The following LRP1B variants were observed in gnomAD, a reference collection of about 807,000 sequenced individuals.
The protein encoded by LRP1B is LDL receptor related protein 1B, also known as low-density lipoprotein receptor-related protein 1B.
LRP1B carries 217 observed loss-of-function variants against 556.6 expected under a neutral mutation model. The ratio of observed to expected loss-of-function variants is 0.39; its 90% confidence interval spans 0.35 to 0.44. The LOEUF (loss-of-function observed/expected upper bound fraction) is 0.44, where lower values mean the gene tolerates loss of function less well. Among genes scored for constraint, LRP1B ranks in the 20% least tolerant of loss-of-function variants. The pLI is 1.00. For synonymous variants in LRP1B, 2,047 were observed against 1,865.8 expected (o/e 1.10, Z -2.50); for missense variants, 5,053 against 5,620.8 (o/e 0.90, Z 3.23).
At chr2:140,498,348 C>T (rs1377800915) in intron 55 of LRP1B, among the ~76,000 whole-genome samples, 2 of 151,790 alleles carry the variant, frequency 1.3e-5, no homozygotes. Flanking sequence ...AAATATTGAT[C>T]ATTTTATTTC....
intron 66 of LRP1B, among the ~76,000 whole-genome samples, chr2:140,403,422 A>G (rs1156584319): frequency 6.6e-6 from 1 of 152,174 alleles, no homozygotes; most frequent in Non-Finnish European, 1.5e-5. Context: ...AGATGTCATG[A>G]ATAATAACCA....
chr2:141,278,842 A>T (rs1289421012), intron 3 of LRP1B, among the ~76,000 whole-genome samples: 1 of 152,144 alleles, frequency 6.6e-6, no homozygotes. Context: ...CCTTAATTTT[A>T]CTTCTTGCCC....
At chr2:141,957,398 G>A (rs1281208455) in intron 1 of LRP1B, among the ~76,000 whole-genome samples, 24 of 87,088 alleles carry the variant, frequency 2.8e-4, no homozygotes, top group African/African-American at 9.3e-4. Context: ...GGGGGGGGGC[G>A]GGGGGGTGTA....
chr2:140,400,749 G>A (rs2105227671), intron 66 of LRP1B, among the ~76,000 whole-genome samples: 1 of 152,128 alleles, frequency 6.6e-6, no homozygotes, highest in African/African-American at 2.4e-5. Context: ...CCCTTTGAAA[G>A]AAGTGTCAGG....
intron 27 of LRP1B, among the ~76,000 whole-genome samples, chr2:140,852,543 G>C (rs905221543): frequency 1.3e-5 from 2 of 152,134 alleles, no homozygotes; most frequent in African/African-American, 4.8e-5. Context: ...GGAAACTACT[G>C]GTACATATAT....
intron 1 of LRP1B, among the ~76,000 whole-genome samples, chr2:141,953,702 T>A (rs1162815484): frequency 6.6e-6 from 1 of 152,088 alleles, no homozygotes; most frequent in African/African-American, 2.4e-5. Flanking sequence ...CTTTCAAATT[T>A]CTTTTGGAGT....
At chr2:140,451,617 T>A (rs1686889303) in intron 62 of LRP1B, among the ~76,000 whole-genome samples, 1 of 152,112 alleles carries the variant, frequency 6.6e-6, no homozygotes, top group Non-Finnish European at 1.5e-5. Context: ...CCATGATGAG[T>A]ATGGGCCCCA....
chr2:140,892,464 A>G (rs183569748), intron 23 of LRP1B, among the ~76,000 whole-genome samples: 2 of 152,202 alleles, frequency 1.3e-5, no homozygotes, highest in African/African-American at 4.8e-5. Flanking sequence ...TGAGAAATAA[A>G]ACAAACGCAA....
In LRP1B at chr2:141,727,205, C is replaced by T. The variant is rs146705746; in HGVS notation, c.205+83074G>A. ...GTAATAGCAGATAATAGGTTAAGTA[C>T]CTTAAGAACCACACCTATATGGGCC... On this transcript the variant is annotated intron_variant, in intron 2 of 90. Coordinates refer to ENST00000389484, the MANE Select transcript of LRP1B (RefSeq NM_018557.3). 5.9e-5 allele frequency among the ~76,000 whole-genome samples: 9 copies of T among 152,138 alleles called. No individual in the cohort carries two copies. The East Asian group carries it at 1.7e-3, about 29-fold the overall frequency.
intron 41 of LRP1B, among the ~76,000 whole-genome samples, chr2:140,617,494 G>C (rs1001696214): frequency 3.9e-5 from 6 of 151,974 alleles, no homozygotes; most frequent in Admixed American, 3.3e-4. Context: ...AATAGCAAAA[G>C]TGGTAAGAAA....
intron 2 of LRP1B, among the ~76,000 whole-genome samples, chr2:141,574,063 G>GA (rs1686638926): frequency 6.6e-6 from 1 of 152,062 alleles, no homozygotes; most frequent in Non-Finnish European, 1.5e-5. Context: ...CCAAACAATT[G>GA]AAAAGGGGGG....
intron 35 of LRP1B, among the ~76,000 whole-genome samples, chr2:140,724,991 C>T (rs1687542140): frequency 6.6e-6 from 1 of 152,026 alleles, no homozygotes; most frequent in South Asian, 2.1e-4. Context: ...TAGGTAGGCC[C>T]AGGAATACAA....
intron 1 of LRP1B, among the ~76,000 whole-genome samples, chr2:141,850,391 G>A (rs1318569319): frequency 6.6e-6 from 1 of 151,500 alleles, no homozygotes; most frequent in Non-Finnish European, 1.5e-5. Context: ...ATTCTTTAGA[G>A]ATTTTATTTT....
chr2:140,650,351 T>C (rs1017464575), intron 41 of LRP1B, among the ~76,000 whole-genome samples: 1 of 141,574 alleles, frequency 7.1e-6, no homozygotes, highest in Non-Finnish European at 1.5e-5. Flanking sequence ...ATTTATTTAT[T>C]TATTTATTTA....
At chr2:141,459,533 GC>G (rs1196998916) in intron 3 of LRP1B, among the ~76,000 whole-genome samples, 6 of 151,982 alleles carry the variant, frequency 3.9e-5, no homozygotes, top group Admixed American at 1.3e-4. Flanking sequence ...TTTGTCCCCC[GC>G]TAAATCTCAT....
intron 43 of LRP1B, among the ~76,000 whole-genome samples, chr2:140,560,267 G>A (rs1156360263): frequency 6.6e-6 from 1 of 152,080 alleles, no homozygotes; most frequent in Non-Finnish European, 1.5e-5. Flanking sequence ...TCTCAACAAG[G>A]AAATCTGGTC....
chr2:140,348,111 C>CA (rs1475160269), intron 77 of LRP1B, among the ~76,000 whole-genome samples: 1 of 151,864 alleles, frequency 6.6e-6, no homozygotes, highest in African/African-American at 2.4e-5. Context: ...TATATTATCT[C>CA]AAAGGGGCTG....
chr2:141,449,669 T>C (rs529253495), intron 3 of LRP1B, among the ~76,000 whole-genome samples: 13 of 152,218 alleles, frequency 8.5e-5, no homozygotes, highest in Non-Finnish European at 1.5e-4. Flanking sequence ...GCATTAATTA[T>C]GAAATATCAC....
At chr2:141,787,890 C>G (rs957854119) in intron 2 of LRP1B, among the ~76,000 whole-genome samples, 1 of 151,868 alleles carries the variant, frequency 6.6e-6, no homozygotes, top group African/African-American at 2.4e-5. Flanking sequence ...CTCCATATGT[C>G]TCTTTTTACT....
Sources: gnomAD v4.1 joint callset for allele counts (sites outside exome capture counted in the v4.1 genomes callset) on GRCh38, gnomAD v4.1.1 for gene constraint, MANE v1.5 for transcripts, NCBI Gene and HGNC (gene_info 2026-07-23, HGNC 2026-07-21) for gene names.